Variants in DCDC1 observed in about 807,000 individuals in gnomAD.
The protein encoded by DCDC1 is doublecortin domain containing 1.
A neutral mutation model predicts 178.3 loss-of-function variants in DCDC1; 200 were observed. The observed-to-expected ratio is 1.12, with a 90% CI of 1.00 to 1.26. The LOEUF is 1.26. DCDC1 is among the 50% of genes most tolerant of loss of function. The probability of loss-of-function intolerance (pLI) is 0.00; values close to 1 mark genes in which losing one functional copy is unlikely to be tolerated. For missense variants in DCDC1, 1,983 were observed against 1,749.2 expected (o/e 1.13, Z -2.38); for synonymous variants, 690 against 604.8 (o/e 1.14, Z -2.07).
intron 20 of DCDC1, among the ~76,000 whole-genome samples, chr11:31,008,202 C>T (rs1166671417): frequency 6.6e-6 from 1 of 152,022 alleles, no homozygotes. Context: ...TAGGAAGTGG[C>T]AGTTGCAGAA....
At chr11:30,972,661 C>CA (rs1000190062) in intron 20 of DCDC1, among the ~76,000 whole-genome samples, 1 of 151,808 alleles carries the variant, frequency 6.6e-6, no homozygotes, top group Non-Finnish European at 1.5e-5. Context: ...AAAAAGAAAA[C>CA]AAAAAAAGAA....
chr11:31,205,035 C>A (rs1971714015), intron 9 of DCDC1, among the ~76,000 whole-genome samples: 1 of 152,098 alleles, frequency 6.6e-6, no homozygotes, highest in African/African-American at 2.4e-5. Flanking sequence ...ACTATAGGCA[C>A]CTTCTTATCT....
At chr11:30,873,500 A>T (rs1317780642) in intron 38 of DCDC1, among the ~76,000 whole-genome samples, 1 of 152,062 alleles carries the variant, frequency 6.6e-6, no homozygotes. Flanking sequence ...CTCAAGCTAT[A>T]TGGATTTCAT....
rs1057088072 is a variant in DCDC1 at position 31,335,552 on chromosome 11, T to C, written c.-112A>G. 4 of 152,296 alleles carry C rather than the reference T, an allele frequency of 2.6e-5. No homozygotes were observed. Among genetic ancestry groups the C allele is most frequent in the Non-Finnish European group, 5.9e-5 (4 of 68,092 alleles). 9.4% of individuals were successfully genotyped at this position (152,296 alleles called of 1,614,324 possible). On this transcript the variant is annotated 5_prime_UTR_variant, in exon 2 of 39. Coordinates refer to ENST00000684477, the MANE Select transcript of DCDC1 (RefSeq NM_001387274.1). ...CATCTTGGAATGGAATCTGGAATTT[T>C]CTTATTTGCAATCTGGAAAATAGAG...
At chr11:31,079,499 G>A (rs1957055608) in intron 17 of DCDC1, among the ~76,000 whole-genome samples, 2 of 152,166 alleles carry the variant, frequency 1.3e-5, no homozygotes, top group African/African-American at 4.8e-5. Flanking sequence ...TGAGAATCCC[G>A]ACATATAGCT....
At chr11:31,351,979 A>G (rs1486281644) in intron 1 of DCDC1, among the ~76,000 whole-genome samples, 17 of 152,182 alleles carry the variant, frequency 1.1e-4, no homozygotes. Context: ...GTGAAGCTTG[A>G]AATCTACTGA....
chr11:31,039,609 G>T (rs1954301658), intron 20 of DCDC1, among the ~76,000 whole-genome samples: 1 of 152,138 alleles, frequency 6.6e-6, no homozygotes, highest in Non-Finnish European at 1.5e-5. Context: ...CAAAGGGAAA[G>T]GAGTCAGAAA....
intron 3 of DCDC1, among the ~76,000 whole-genome samples, chr11:31,315,967 C>A (rs1460294557): frequency 8.8e-6 from 1 of 113,132 alleles, no homozygotes; most frequent in Non-Finnish European, 1.7e-5. Flanking sequence ...CATCCATGTC[C>A]CTACAAAGGA....
chr11:31,043,422 T>C (rs1479316439), intron 20 of DCDC1, among the ~76,000 whole-genome samples: 1 of 152,042 alleles, frequency 6.6e-6, no homozygotes, highest in Non-Finnish European at 1.5e-5. Flanking sequence ...TGGAGAAAAA[T>C]AGAAAAGTTG....
intron 9 of DCDC1, among the ~76,000 whole-genome samples, chr11:31,214,576 G>A (rs986905392): frequency 1.3e-5 from 2 of 152,052 alleles, no homozygotes; most frequent in African/African-American, 4.8e-5. Flanking sequence ...ATTAGAAAGA[G>A]CCAAACAGGC....
chr11:31,201,639 A>C (rs949349179), intron 9 of DCDC1, among the ~76,000 whole-genome samples: 3 of 152,068 alleles, frequency 2.0e-5, no homozygotes, highest in African/African-American at 7.2e-5. Context: ...TGCCCAAACT[A>C]AAAAACAAGA....
intron 38 of DCDC1, among the ~76,000 whole-genome samples, chr11:30,872,887 C>G (rs1365722003): frequency 6.6e-6 from 1 of 151,856 alleles, no homozygotes; most frequent in Non-Finnish European, 1.5e-5. Context: ...AAATGCCTCT[C>G]CTCCCCAGCA....
In DCDC1 at chr11:31,167,638, T is replaced by G. The variant is rs572678038; in HGVS notation, c.1222-29854A>C. ...TAATCCTTCTATTTTATTACACCAT[T>G]CTTTCTATAGAGCACTGACCACAGA... On this transcript the variant is annotated intron_variant, in intron 9 of 38. Coordinates refer to ENST00000684477, the MANE Select transcript of DCDC1 (RefSeq NM_001387274.1). Among the ~76,000 whole-genome samples the G allele has an allele frequency of 2.0e-5, 3 of 152,298 alleles. No homozygotes were observed. In the South Asian group the frequency reaches 6.2e-4, roughly 32 times the overall value.
Position 31,356,294 on chromosome 11 carries a change from G to A in DCDC1, c.-125+13403C>T, listed in dbSNP as rs144190875. The stretch of plus-strand genomic sequence containing the variant: ...AGGATTAAGAAACTCACTCAAAACC[G>A]CTCAACTACATGGAAACTGAACAAC... On this transcript the variant is annotated intron_variant, in intron 1 of 38. Coordinates refer to ENST00000684477, the MANE Select transcript of DCDC1 (RefSeq NM_001387274.1). Among the ~76,000 whole-genome samples, 540 of 152,044 alleles carry A rather than the reference G, an allele frequency of 3.6e-3. 5 individuals are homozygous for A. Among genetic ancestry groups the A allele is most frequent in the African/African-American group, 0.012 (506 of 41,488 alleles).
At chr11:31,042,004 G>A (rs1181177328) in intron 20 of DCDC1, among the ~76,000 whole-genome samples, 1 of 152,182 alleles carries the variant, frequency 6.6e-6, no homozygotes, top group Non-Finnish European at 1.5e-5. Flanking sequence ...AACACAAGCT[G>A]CATTCCAGTA....
chr11:30,973,887 G>A (rs112473945), intron 20 of DCDC1, among the ~76,000 whole-genome samples: 23 of 151,676 alleles, frequency 1.5e-4, no homozygotes, highest in African/African-American at 5.6e-4. Context: ...AGACCAAATG[G>A]ACTAAACACT....
intron 34 of DCDC1, among the ~76,000 whole-genome samples, chr11:30,896,399 G>T (rs994375606): frequency 1.3e-5 from 2 of 152,166 alleles, no homozygotes; most frequent in Non-Finnish European, 2.9e-5. Context: ...ATAAGCTGGG[G>T]ATTCTTGGCC....
intron 2 of DCDC1, among the ~76,000 whole-genome samples, chr11:31,334,323 A>T (rs56226078): frequency 6.6e-6 from 1 of 152,168 alleles, no homozygotes; most frequent in African/African-American, 2.4e-5. Flanking sequence ...ATGGGTTCGA[A>T]CATCCTCCTT....
intron 11 of DCDC1, among the ~76,000 whole-genome samples, chr11:31,117,667 G>T (rs208075): frequency 0.69 from 104,789 of 151,002 alleles, 37,324 homozygotes; most frequent in East Asian, 0.96. Context: ...ACCCCATTTT[G>T]CTGTGACTAT....
Sources: gnomAD v4.1 joint callset for allele counts (sites outside exome capture counted in the v4.1 genomes callset) on GRCh38, gnomAD v4.1.1 for gene constraint, MANE v1.5 for transcripts, NCBI Gene and HGNC (gene_info 2026-07-23, HGNC 2026-07-21) for gene names.